The following ARID5B variants were observed in gnomAD, a reference collection of about 807,000 sequenced individuals.
ARID5B encodes the protein AT-rich interactive domain-containing protein 5B.
In ARID5B, 13 loss-of-function variants were observed where a neutral mutation model predicts 97.2. That is an observed-to-expected ratio of 0.13 (90% CI 0.09 to 0.21). The LOEUF (loss-of-function observed/expected upper bound fraction) is 0.21, where lower values mean the gene tolerates loss of function less well. ARID5B is among the 10% of genes least tolerant of loss of function. The probability of loss-of-function intolerance (pLI) is 1.00; values close to 1 mark genes in which losing one functional copy is unlikely to be tolerated. For synonymous variants in ARID5B, 556 were observed against 570.3 expected, an observed-to-expected ratio of 0.97 and a Z score of 0.36; for missense variants, 1,210 against 1,465.3, an observed-to-expected ratio of 0.83 and a Z score of 2.84.
intron 4 of ARID5B, chr10:62,025,210 C>A (rs543756163): frequency 2.6e-5 from 4 of 152,316 alleles, no homozygotes; most frequent in African/African-American, 9.6e-5. Flanking sequence ...AGTAACTGAT[C>A]ACATAAAATT....
intron 3 of ARID5B, among the ~76,000 whole-genome samples, chr10:61,996,587 G>A (rs536001023): frequency 1.3e-5 from 2 of 152,180 alleles, no homozygotes; most frequent in East Asian, 3.9e-4. Flanking sequence ...AACTAGTAAT[G>A]CCACTAATAA....
chr10:62,054,400 A>C (rs528776951), intron 5 of ARID5B, among the ~76,000 whole-genome samples: 1 of 152,220 alleles, frequency 6.6e-6, no homozygotes, highest in East Asian at 1.9e-4. Context: ...ACTGAAAAAA[A>C]AAAATATCAA....
At chr10:62,041,406 CA>C (rs1037063569) in intron 4 of ARID5B, among the ~76,000 whole-genome samples, 1 of 152,208 alleles carries the variant, frequency 6.6e-6, no homozygotes. Flanking sequence ...CTCAGACAAC[CA>C]AAAATAGTCA....
chr10:62,085,987 C>T (rs776537397), intron 9 of ARID5B, 87 bp downstream of exon 9: 13 of 1,373,264 alleles, frequency 9.5e-6, no homozygotes, highest in Non-Finnish European at 4.0e-6. Context: ...CAGCTGTGTC[C>T]CTGCACAGTT....
chr10:61,969,735 T>C (rs890046594), intron 3 of ARID5B, among the ~76,000 whole-genome samples: 1 of 152,212 alleles, frequency 6.6e-6, no homozygotes, highest in African/African-American at 2.4e-5. Flanking sequence ...AATCTTCATA[T>C]TCTATTGTCT....
At chr10:61,928,641 G>A (rs1384563450) in intron 2 of ARID5B, among the ~76,000 whole-genome samples, 4 of 152,278 alleles carry the variant, frequency 2.6e-5, no homozygotes, top group Middle Eastern at 3.4e-3. Context: ...TTCCTGTTGG[G>A]ATTCTGACTG....
rs1416938412 is a variant in ARID5B, at chr10:62,079,954, A to G, written c.1200-5748A>G. On this transcript the variant is annotated intron_variant, in intron 8 of 9. Transcript: ENST00000279873. ...CTCCATACCTTTTAGGTGTCTTAGC[A>G]TAGAATACAGGTGATGCTAGTTATA... Among the ~76,000 whole-genome samples, 3 of 152,148 alleles carry G rather than the reference A, an allele frequency of 2.0e-5. No homozygotes were observed. The East Asian group carries it at 5.8e-4, about 29-fold the overall frequency.
At chr10:61,958,448 G>T (rs541837519) in intron 3 of ARID5B, among the ~76,000 whole-genome samples, 1 of 152,196 alleles carries the variant, frequency 6.6e-6, no homozygotes, top group South Asian at 2.1e-4. Flanking sequence ...GGCTGGTCTA[G>T]ATCTCCTGAC....
intron 3 of ARID5B, among the ~76,000 whole-genome samples, chr10:61,975,315 C>T (rs936458833): frequency 1.3e-5 from 2 of 152,068 alleles, no homozygotes; most frequent in African/African-American, 2.4e-5. Flanking sequence ...GGAGGACAAT[C>T]GATTAGTTGG....
intron 2 of ARID5B, among the ~76,000 whole-genome samples, chr10:61,919,110 T>C (rs1857694895): frequency 7.7e-6 from 1 of 130,066 alleles, no homozygotes. Flanking sequence ...CAAAATTAAC[T>C]GAGATAGGAG....
Position 62,095,260 on chromosome 10 carries a change from G to A in ARID5B, c.*2230G>A. 1.3e-5 allele frequency: 3 copies of A among 233,384 alleles called. No individual in the cohort carries two copies. The highest frequency in any genetic ancestry group is 8.5e-6 in the Non-Finnish European group (1 of 117,966). 14.5% of individuals were successfully genotyped at this position (233,384 alleles called of 1,614,324 possible). ...TAGCCAGGACACATATAAGAAAGTT[G>A]CACTAGATTGAATGGTCACAGAATC... On this transcript the variant is annotated 3_prime_UTR_variant, in exon 10 of 10. Transcript: ENST00000279873.
chr10:62,017,876 T>C (rs1480010902), intron 4 of ARID5B, among the ~76,000 whole-genome samples: 1 of 152,230 alleles, frequency 6.6e-6, no homozygotes, highest in Non-Finnish European at 1.5e-5. Flanking sequence ...AATTCACTGA[T>C]AATGTTCACA....
rs551018077 is a variant in ARID5B, at chr10:62,022,933, T to G, written c.733+22612T>G. On this transcript the variant is annotated intron_variant, in intron 4 of 9. Coordinates refer to ENST00000279873, the MANE Select transcript of ARID5B (RefSeq NM_032199.3). ...GGCAGCAGAACCCGTGGTGCCCGTG[T>G]TAACGAACTTCCCATCTGTTTTCTT... 2.6e-5 allele frequency among the ~76,000 whole-genome samples: 4 copies of G among 152,258 alleles called. No individual in the cohort carries two copies. The South Asian group carries it at 8.3e-4, about 31-fold the overall frequency.
chr10:62,044,646 T>C (rs1839683877), intron 4 of ARID5B, among the ~76,000 whole-genome samples: 2 of 152,200 alleles, frequency 1.3e-5, no homozygotes, highest in Admixed American at 1.3e-4. Context: ...ATTACAGTCA[T>C]GAGCCACCAC....
chr10:61,939,409 G>A (rs1844360266), intron 2 of ARID5B, among the ~76,000 whole-genome samples: 1 of 152,162 alleles, frequency 6.6e-6, no homozygotes, highest in Admixed American at 6.6e-5. Flanking sequence ...TTTCCTAGAA[G>A]CAATTAGAGA....
At chr10:61,917,960 C>T (rs537493429) in intron 2 of ARID5B, among the ~76,000 whole-genome samples, 1 of 152,082 alleles carries the variant, frequency 6.6e-6, no homozygotes, top group East Asian at 1.9e-4. Context: ...GGAGAAGGGG[C>T]CCTTGAAAAC....
At chr10:61,981,008 A>G (rs548356547) in intron 3 of ARID5B, among the ~76,000 whole-genome samples, 59 of 152,300 alleles carry the variant, frequency 3.9e-4, no homozygotes, top group Non-Finnish European at 6.9e-4. Context: ...CTCTCTCAGA[A>G]CTTATAAGCA....
intron 3 of ARID5B, among the ~76,000 whole-genome samples, chr10:61,998,686 C>T (rs1249256789): frequency 6.6e-6 from 1 of 152,200 alleles, no homozygotes; most frequent in African/African-American, 2.4e-5. Flanking sequence ...TGATAGAACT[C>T]TCTCACAAGA....
In ARID5B at chr10:62,091,997, A is replaced by G; in HGVS notation, c.2534A>G (p.Glu845Gly). The change falls in exon 10 of 10, where the codon GAG becomes GGG. Residue 845 changes from glutamate to glycine, a missense_variant. By Grantham distance (98) the Glu-to-Gly change is moderately conservative. This residue lies in a region of ARID5B where 800 missense variants were observed against 839.1 expected (regional missense o/e 0.95). Coordinates refer to ENST00000279873, the MANE Select transcript of ARID5B (RefSeq NM_032199.3). ...CTCCATAGCCTCTACAGACACACCG[A>G]GCACCATCTTCATAATGAACAGACA... Reference protein sequence around the residue: ...PHLHSLYRHTEHHLHNEQTSK... With the variant: ...PHLHSLYRHTGHHLHNEQTSK... The G allele has an allele frequency of 6.2e-7, 1 of 1,614,060 alleles. No homozygotes were observed. Among genetic ancestry groups the G allele is most frequent in the Non-Finnish European group, 8.5e-7 (1 of 1,179,994 alleles).
Sources: allele counts gnomAD v4.1 joint callset (sites outside exome capture counted in the v4.1 genomes callset), GRCh38; gene constraint gnomAD v4.1.1; regional missense constraint gnomAD v4.1.1; transcripts MANE v1.5; gene names NCBI Gene and HGNC (gene_info 2026-07-23, HGNC 2026-07-21).